HELZ2: variants seen among roughly 807,000 people sequenced by gnomAD.
HELZ2 encodes the protein 3'-5' exoribonuclease HELZ2.
Under a neutral mutation model 208.8 loss-of-function variants are expected in HELZ2, and 143 were observed. That is an observed-to-expected ratio of 0.68 (90% CI 0.60 to 0.79). The LOEUF (loss-of-function observed/expected upper bound fraction) is 0.79, where lower values mean the gene tolerates loss of function less well. HELZ2 is among the 30% of genes least tolerant of loss of function. HELZ2 has a pLI of 0.00. For synonymous variants in HELZ2, 1,705 were observed against 1,693.7 expected (o/e 1.01, Z -0.16); for missense variants, 3,690 against 3,794.5 (o/e 0.97, Z 0.72).
downstream of HELZ2, chr20:63,559,194 G>C: frequency 7.0e-7 from 1 of 1,424,104 alleles, no homozygotes; most frequent in Non-Finnish European, 9.4e-7. Context: ...AGGGTGGGGG[G>C]GCCCTGGACT....
chr20:63,564,435 C>T (rs996932854), exon 8 of HELZ2: 18 of 1,554,690 alleles, frequency 1.2e-5, no homozygotes, highest in Admixed American at 1.9e-5. Flanking sequence ...CTGATCACCT[C>T]CTCCGCCTCC....
chr20:63,567,293 G>A lies in HELZ2; in HGVS notation c.2065C>T (p.Arg689Cys), dbSNP rs202228761. 4.2e-5 allele frequency: 68 copies of A among 1,610,106 alleles called. No individual in the cohort carries two copies. The Middle Eastern group carries it at 5.0e-4, about 12-fold the overall frequency. ...ATGTGGTCGCCCGCCAGCACGAGGC[G>A]GGTGCCGTGCGAGGCATAGGCCAGC... Residue 689 changes from arginine (R) to cysteine (C), a missense_variant, in exon 6 of 19, where the codon CGC becomes TGC. Physicochemically the swap from Arg to Cys is radical, Grantham distance 180. This residue lies in a region of HELZ2 where 1,119 missense variants were observed against 1,193.4 expected (regional missense o/e 0.94). Transcript: ENST00000467148.
Position 63,566,977 on chromosome 20 carries a change from G to A in HELZ2, c.2381C>T (p.Ser794Phe), listed in dbSNP as rs1472874181. Residue 794 changes from serine to phenylalanine, a missense_variant, in exon 6 of 19, where the codon TCC becomes TTC. Around this residue, in one of 3 missense-constraint regions of HELZ2, gnomAD observed 1,119 missense variants for 1,193.4 expected, o/e 0.94. Transcript: ENST00000467148. ...AGCCAGATTCAGCCAGGACGCCATG[G>A]ACATGTCCCGGTCTGGGCTGCCCGC... The A allele has an allele frequency of 3.7e-6, 6 of 1,611,568 alleles. No homozygotes were observed. The East Asian group carries it at 1.1e-4, about 30-fold the overall frequency.
At chr20:63,566,053 G>C (rs773339146) in exon 8 of HELZ2, 10 of 1,588,978 alleles carry the variant, frequency 6.3e-6, no homozygotes, top group Non-Finnish European at 8.5e-6. Context: ...GCTTGCCGCA[G>C]GCCCCGAAGG....
exon 8 of HELZ2, chr20:63,565,307 A>G: frequency 6.2e-7 from 1 of 1,606,148 alleles, no homozygotes. Flanking sequence ...CTGCACCAGC[A>G]CCTCATCCCC....
exon 17 of HELZ2, chr20:63,560,303 G>T (rs1228639667): frequency 1.3e-6 from 2 of 1,556,086 alleles, no homozygotes; most frequent in Admixed American, 1.9e-5. Flanking sequence ...GTCCTCCCCA[G>T]GGTCAGCTGC....
At position 63,562,570 on chromosome 20, in the gene HELZ2, C is replaced by T. The variant is rs140072487; in HGVS notation, c.6252G>A (p.Arg2084=). The change falls in exon 8 of 19, where the codon AGG becomes AGA. Residue 2084 remains arginine, a synonymous_variant. Coordinates refer to ENST00000467148, the Ensembl canonical transcript of HELZ2. ...GCTCAACGGTGAACAGGGTGCCCGG[C>T]CTCAGCACCTCTTCCGGAACCTTCT... 246 of 1,598,216 alleles carry T rather than the reference C, an allele frequency of 1.5e-4. No individual in the cohort carries two copies. The African/African-American group carries it at 2.4e-3, about 16-fold the overall frequency.
chr20:63,559,219 T>C (rs1159646783), exon 19 of HELZ2: 3 of 1,507,338 alleles, frequency 2.0e-6, no homozygotes, highest in Non-Finnish European at 1.8e-6. Flanking sequence ...CTCCCAGTCC[T>C]GGCACCTTGC....
rs780389742 is a variant in HELZ2, at chr20:63,570,484, C to T, written c.570+20G>A. On this transcript the variant is annotated intron_variant, in intron 3 of 18. Coordinates refer to ENST00000467148, the Ensembl canonical transcript of HELZ2. ...TTCCCCAGGGCTCCCTCCGCCCAGT[C>T]GGAGCTGTTCTCCGCTCACCTCAGA... 6.2e-6 allele frequency: 10 copies of T among 1,602,288 alleles called. No homozygotes were observed. Among genetic ancestry groups the T allele is most frequent in the Admixed American group, 1.7e-5 (1 of 59,922 alleles).
upstream of HELZ2, among the ~76,000 whole-genome samples, chr20:63,573,733 A>G (rs907479127): frequency 4.6e-5 from 7 of 152,012 alleles, no homozygotes; most frequent in Non-Finnish European, 8.8e-5. The surrounding 1 kb of genome is among the most constrained non-coding windows in gnomAD (Gnocchi z 4.9). Flanking sequence ...AGGAGGGTAC[A>G]GTGCCCACCA....
chr20:63,559,177 G>T, downstream of HELZ2: 2 of 1,435,796 alleles, frequency 1.4e-6, no homozygotes, highest in Non-Finnish European at 1.9e-6. Flanking sequence ...GGCGGAGGGT[G>T]GTGGGGAGGG....
chr20:63,564,076 G>A (rs1569031614), exon 8 of HELZ2: 2 of 1,607,444 alleles, frequency 1.2e-6, no homozygotes, highest in Admixed American at 1.7e-5. Context: ...CGTGCAGGTG[G>A]TGGCCGAGGT....
chr20:63,563,669 T>C (rs1569031115), exon 8 of HELZ2: 3 of 1,569,200 alleles, frequency 1.9e-6, no homozygotes, highest in South Asian at 1.1e-5. Flanking sequence ...CTGATAGCTC[T>C]GGGCAAGTGC....
exon 8 of HELZ2, chr20:63,565,428 A>T: frequency 6.2e-7 from 1 of 1,610,880 alleles, no homozygotes; most frequent in Non-Finnish European, 8.5e-7. Flanking sequence ...ACGAAAGAGC[A>T]GTGGCGGTAC....
exon 8 of HELZ2, chr20:63,564,969 C>T: frequency 1.9e-6 from 3 of 1,605,188 alleles, no homozygotes; most frequent in Non-Finnish European, 2.6e-6. Context: ...GGCAGCACCT[C>T]CCGGACGATG....
chr20:63,562,472 G>A lies in HELZ2; in HGVS notation c.6302+48C>T, dbSNP rs993945111. 6.5e-6 allele frequency: 10 copies of A among 1,529,946 alleles called. No homozygotes were observed. The Middle Eastern group carries it at 6.8e-4, about 103-fold the overall frequency. The allele number at this position is 1,529,946 out of a possible 1,614,324, so 94.8% of individuals were successfully genotyped here. A position where few individuals can be genotyped will look rare whatever the true frequency, so the allele number is the denominator to read the frequency against. ...AGCTCCCCCCTCCTGCAAGTGAGGG[G>A]CCCGGGGCGGTCCCCCAGCCCAGCC... On this transcript the variant is annotated intron_variant, in intron 8 of 18. Coordinates refer to ENST00000467148, the Ensembl canonical transcript of HELZ2.
Position 63,563,031 on chromosome 20 carries a change from G to A in HELZ2, c.5791C>T (p.Pro1931Ser), listed in dbSNP as rs1427989933. 1.9e-6 allele frequency: 3 copies of A among 1,600,926 alleles called. No homozygotes were observed. The Admixed American group carries it at 5.1e-5, about 27-fold the overall frequency. ...TCCACGTCGCGGTACCGGTCCCTCG[G>A]GGCCCGGTACACACGGCCTGAGAAG... is the stretch of plus-strand genomic sequence containing the variant. Residue 1931 changes from proline (P) to serine (S), a missense_variant, in exon 8 of 19, where the codon CCG (proline) becomes TCG (serine). Transcript: ENST00000467148.
At chr20:63,560,199 C>T (rs1490400634) in exon 17 of HELZ2, 7 of 1,556,696 alleles carry the variant, frequency 4.5e-6, no homozygotes, top group Middle Eastern at 1.8e-4. Flanking sequence ...AGGACACGGC[C>T]ACCCCGGCGA....
In HELZ2 at chr20:63,570,886, C is replaced by T. The variant is rs780968187; in HGVS notation, c.279-18G>A. ...GGTCAGGCCTGGGGGACAGGGAGGT[C>T]AGCAGGGCTACACAGAGGCACAGCC... On this transcript the variant is annotated intron_variant, in intron 1 of 18. Coordinates refer to ENST00000467148, the Ensembl canonical transcript of HELZ2. 70 of 1,570,270 alleles carry T rather than the reference C, an allele frequency of 4.5e-5. No individual in the cohort carries two copies. Among genetic ancestry groups the T allele is most frequent in the East Asian group, 6.8e-5 (3 of 44,130 alleles).
Sources: allele counts gnomAD v4.1 joint callset (sites outside exome capture counted in the v4.1 genomes callset), GRCh38; gene constraint gnomAD v4.1.1; regional missense constraint gnomAD v4.1.1; non-coding constraint Gnocchi (gnomAD v3.1); transcripts MANE v1.5; gene names NCBI Gene and HGNC (gene_info 2026-07-23, HGNC 2026-07-21).